Variants in NHSL2 observed in about 807,000 individuals in gnomAD.
The protein encoded by NHSL2 is NHS like 2.
In NHSL2, 27 loss-of-function variants were observed where a neutral mutation model predicts 53.4. The ratio of observed to expected loss-of-function variants is 0.51; its 90% CI spans 0.37 to 0.70. The LOEUF (loss-of-function observed/expected upper bound fraction) is 0.70. NHSL2 is among the 30% of genes least tolerant of loss of function. NHSL2 has a pLI of 0.00. For missense variants in NHSL2, 892 were observed against 980.1 expected (o/e 0.91, Z 1.20); for synonymous variants, 408 against 404.1 (o/e 1.01, Z -0.12).
chrX:72,016,271 ATTATT>A (rs1257955075), intron 1 of NHSL2, among the ~76,000 whole-genome samples: 2 of 112,164 alleles, frequency 1.8e-5, no homozygotes, highest in Non-Finnish European at 3.8e-5. Context: ...TGCAGCTTTT[ATTATT>A]TTATTTAACA....
chrX:72,100,827 G>T (rs1433818895), intron 1 of NHSL2, among the ~76,000 whole-genome samples: 4 of 112,210 alleles, frequency 3.6e-5, no homozygotes, highest in African/African-American at 1.3e-4. Flanking sequence ...GTTGGGGACT[G>T]CTGTGTTAAC....
intron 1 of NHSL2, among the ~76,000 whole-genome samples, chrX:71,934,710 A>G (rs1345131326): frequency 8.9e-6 from 1 of 112,122 alleles, no homozygotes; most frequent in Non-Finnish European, 1.9e-5. Flanking sequence ...AGCCACACAG[A>G]TGGCAGTGGA....
intron 1 of NHSL2, among the ~76,000 whole-genome samples, chrX:72,039,582 A>G (rs997616822): frequency 9.0e-6 from 1 of 111,610 alleles, no homozygotes; most frequent in African/African-American, 3.3e-5. Context: ...ATTAACCACA[A>G]TCTGGCCCAT....
chrX:71,924,486 A>C (rs927266678), intron 1 of NHSL2, among the ~76,000 whole-genome samples: 1 of 111,653 alleles, frequency 9.0e-6, no homozygotes, highest in Non-Finnish European at 1.9e-5. Context: ...CCACCTCTTG[A>C]AAAGTAATAT....
chrX:72,050,881 TC>T (rs1297222473), intron 1 of NHSL2, among the ~76,000 whole-genome samples: 1 of 105,492 alleles, frequency 9.5e-6, no homozygotes, highest in Non-Finnish European at 1.9e-5. Flanking sequence ...AGAGCAAGAC[TC>T]CATCTATCAA....
intron 1 of NHSL2, among the ~76,000 whole-genome samples, chrX:72,036,578 A>G (rs2042242472): frequency 9.0e-6 from 1 of 111,705 alleles, no homozygotes; most frequent in African/African-American, 3.3e-5. Flanking sequence ...TTTCAGTCTC[A>G]TTTTATTTCT....
intron 1 of NHSL2, among the ~76,000 whole-genome samples, chrX:71,958,587 A>C (rs955869893): frequency 3.6e-5 from 4 of 111,632 alleles, no homozygotes; most frequent in Non-Finnish European, 3.8e-5. Flanking sequence ...GGCTGCCCCA[A>C]AACTACACAG....
At chrX:72,033,479 C>A (rs1041377358) in intron 1 of NHSL2, among the ~76,000 whole-genome samples, 4 of 112,307 alleles carry the variant, frequency 3.6e-5, no homozygotes, top group African/African-American at 1.3e-4. Context: ...GCCACCGTGC[C>A]CGGCCTCTGA....
In NHSL2 at chrX:72,138,650, G is replaced by A; in HGVS notation, c.1102G>A (p.Glu368Lys). The change falls in exon 6 of 8, where the codon GAG (glutamate) becomes AAG (lysine). Residue 368 changes from glutamate to lysine, a missense_variant. Physicochemically the swap from Glu to Lys is moderately conservative, Grantham distance 56 (BLOSUM62 1). Coordinates refer to ENST00000633930, the MANE Select transcript of NHSL2 (RefSeq NM_001013627.3). ...GAGTGGCCCAAACCCTCCTGGCATG[G>A]AGAGCATGGGAATGGTGTACAGTGT... Reference protein sequence around the residue: ...ARSGPNPPGMESMGMVYSVPS... With the variant: ...ARSGPNPPGMKSMGMVYSVPS... The A allele has an allele frequency of 5.1e-6, 6 of 1,176,836 alleles. No homozygotes were observed. The highest frequency in any genetic ancestry group is 6.8e-6 in the Non-Finnish European group (6 of 876,968).
intron 1 of NHSL2, among the ~76,000 whole-genome samples, chrX:71,935,970 G>C (rs1238813850): frequency 8.9e-6 from 1 of 112,228 alleles, no homozygotes; most frequent in African/African-American, 3.2e-5. Context: ...ACCATTATCT[G>C]TGTCCCTCCT....
intron 1 of NHSL2, among the ~76,000 whole-genome samples, chrX:72,085,334 A>G (rs899125618): frequency 8.9e-6 from 1 of 112,603 alleles, no homozygotes; most frequent in African/African-American, 3.2e-5. Flanking sequence ...AGGGTGTCAG[A>G]AGAAAGTAGG....
intron 1 of NHSL2, among the ~76,000 whole-genome samples, chrX:71,976,658 A>G (rs1201066881): frequency 8.9e-6 from 1 of 111,889 alleles, no homozygotes; most frequent in East Asian, 2.8e-4. Context: ...TGCTATGATT[A>G]TCCTCATTTC....
At chrX:72,056,353 T>C (rs1008669782) in intron 1 of NHSL2, among the ~76,000 whole-genome samples, 2 of 111,674 alleles carry the variant, frequency 1.8e-5, no homozygotes, top group African/African-American at 6.5e-5. Context: ...AGGTGACTGG[T>C]TATGTAAACT....
chrX:72,134,455 C>A, intron 3 of NHSL2, 54 bp from the exon 4 acceptor site: 1 of 1,035,408 alleles, frequency 9.7e-7, no homozygotes, highest in African/African-American at 1.8e-5. Flanking sequence ...CCTATGGGCA[C>A]TGGCTCATTG....
intron 1 of NHSL2, among the ~76,000 whole-genome samples, chrX:72,065,652 T>A (rs1053054809): frequency 4.6e-4 from 51 of 111,531 alleles, no homozygotes; most frequent in African/African-American, 1.5e-3. Flanking sequence ...TTCAGCATTA[T>A]CTCATGAAAG....
intron 1 of NHSL2, chrX:72,130,010 G>A (rs747731041): frequency 2.2e-5 from 26 of 1,209,087 alleles, no homozygotes; most frequent in Non-Finnish European, 2.7e-5. Flanking sequence ...AGTGGGACTC[G>A]ATTCTGGTTC....
chrX:71,979,270 A>G (rs1204352875), intron 1 of NHSL2, among the ~76,000 whole-genome samples: 2 of 110,923 alleles, frequency 1.8e-5, no homozygotes, highest in Admixed American at 9.6e-5. Context: ...CTTTGGGTAT[A>G]TACCCAGTAA....
intron 1 of NHSL2, among the ~76,000 whole-genome samples, chrX:72,052,805 T>C (rs916671774): frequency 9.0e-6 from 1 of 111,598 alleles, no homozygotes; most frequent in Non-Finnish European, 1.9e-5. Flanking sequence ...GCCATCCCTC[T>C]CTCCACCCCT....
At chrX:71,998,203 T>G (rs889451522) in intron 1 of NHSL2, among the ~76,000 whole-genome samples, 4 of 112,496 alleles carry the variant, frequency 3.6e-5, no homozygotes, top group African/African-American at 1.3e-4. Context: ...GGGGATGTAT[T>G]GAAGACAAGA....
Sources: gnomAD v4.1 joint callset for allele counts (sites outside exome capture counted in the v4.1 genomes callset) on GRCh38, gnomAD v4.1.1 for gene constraint, MANE v1.5 for transcripts, NCBI Gene and HGNC (gene_info 2026-07-23, HGNC 2026-07-21) for gene names.